Variants in DNAH14 observed in about 807,000 individuals in gnomAD.
DNAH14 encodes axonemal beta dynein heavy chain 14.
A neutral mutation model predicts 520.9 loss-of-function variants in DNAH14; 478 were observed. The observed-to-expected ratio is 0.92, with a 90% CI of 0.85 to 0.99. The LOEUF (loss-of-function observed/expected upper bound fraction) is 0.99, where lower values mean the gene tolerates loss of function less well. Ranked by LOEUF, DNAH14 falls within the 50% of genes least tolerant of loss-of-function variation. The pLI is 0.00. For missense variants in DNAH14, 4,831 were observed against 5,234.5 expected (o/e 0.92, Z 2.38); for synonymous variants, 1,581 against 1,757.2 (o/e 0.90, Z 2.51).
At chr1:225,144,661 TTTTC>T in intron 29 of DNAH14, 33 bp downstream of exon 29, 1 of 1,499,292 alleles carries the variant, frequency 6.7e-7, no homozygotes, top group Non-Finnish European at 9.0e-7. Context: ...ATAAAAACTT[TTTTC>T]TTTTTCTGTC....
chr1:225,054,417 C>T (rs182557216), intron 17 of DNAH14, among the ~76,000 whole-genome samples: 7 of 152,096 alleles, frequency 4.6e-5, no homozygotes, highest in South Asian at 4.2e-4. Flanking sequence ...TCCAAATGTC[C>T]GTTCTTCATT....
At chr1:225,319,982 C>A (rs946008201) in intron 61 of DNAH14, among the ~76,000 whole-genome samples, 2 of 152,210 alleles carry the variant, frequency 1.3e-5, no homozygotes, top group African/African-American at 4.8e-5. Flanking sequence ...AGAGAAGTAA[C>A]AGGGGCCAGT....
intron 52 of DNAH14, among the ~76,000 whole-genome samples, chr1:225,274,056 G>A (rs2093389014): frequency 1.3e-5 from 2 of 152,234 alleles, no homozygotes; most frequent in South Asian, 2.1e-4. Context: ...CCACTAATGG[G>A]ATTGCTGGGT....
rs11582397 is a variant in DNAH14, at chr1:225,032,741, C to G, written c.1359-5953C>G. ...CTTTTCTCCGCAACCTCACCAGCAT[C>G]CGTTATTTTTTAACTTTTTAATAAT... On this transcript the variant is annotated intron_variant, in intron 11 of 85. Transcript: ENST00000682510. Among the ~76,000 whole-genome samples the G allele has an allele frequency of 2.0e-5, 3 of 152,242 alleles. No homozygotes were observed. In the East Asian group the frequency reaches 5.8e-4, roughly 29 times the overall value.
At position 225,079,518 on chromosome 1, in the gene DNAH14, A is replaced by G. The variant is rs1490270863; in HGVS notation, c.2736A>G (p.Leu912=). 2.6e-6 allele frequency: 4 copies of G among 1,519,366 alleles called. No homozygotes were observed. The African/African-American group carries it at 5.7e-5, about 22-fold the overall frequency. The allele number at this position is 1,519,366 out of a possible 1,614,324, so 94.1% of individuals were successfully genotyped here. A position where few individuals can be genotyped will look rare whatever the true frequency, so the allele number is the denominator to read the frequency against. The change falls in exon 18 of 86, where the codon CTA becomes CTG. Residue 912 remains leucine, a synonymous_variant. Coordinates refer to ENST00000682510, the MANE Select transcript of DNAH14 (RefSeq NM_001367479.1). ...ACTTGGAAGCATGTATCAGTGGTCT[A>G]CATGTTGATGTTGGCAATTTAAAAG... ...RDNLEACISG[L]HVDVGNLKAK...
At position 225,319,235 on chromosome 1, in the gene DNAH14, G is replaced by A. The variant is rs75294465; in HGVS notation, c.9335+558G>A. Among the ~76,000 whole-genome samples the A allele has an allele frequency of 5.5e-3, 834 of 152,228 alleles. 6 individuals are homozygous for A. Among genetic ancestry groups the A allele is most frequent in the African/African-American group, 0.018 (742 of 41,528 alleles). On this transcript the variant is annotated intron_variant, in intron 61 of 85. Transcript: ENST00000682510. Reference sequence around the variant, plus strand: ...CAAACTTGATCCAGGTTAGGGCTAGGGGTTAATGATTGAAGAGAATACATA... The same window carrying A: ...CAAACTTGATCCAGGTTAGGGCTAGAGGTTAATGATTGAAGAGAATACATA...
chr1:225,100,491 T>C (rs148300520), intron 22 of DNAH14, among the ~76,000 whole-genome samples: 336 of 152,308 alleles, frequency 2.2e-3, no homozygotes, highest in African/African-American at 7.6e-3. Context: ...CTAAGTATAA[T>C]CTTGTTAAAT....
intron 36 of DNAH14, among the ~76,000 whole-genome samples, chr1:225,182,257 A>G (rs12026504): frequency 0.13 from 19,816 of 152,234 alleles, 1,649 homozygotes; most frequent in South Asian, 0.23. Context: ...TGGACACCTC[A>G]TATATGATAG....
intron 5 of DNAH14, 98 bp downstream of exon 5, chr1:224,964,707 A>G (rs1236242023): frequency 3.9e-6 from 4 of 1,032,850 alleles, no homozygotes; most frequent in Admixed American, 6.3e-5. Flanking sequence ...AAAGTCAAAC[A>G]TTACATTAAT....
At chr1:224,979,823 A>G (rs2062133457) in intron 8 of DNAH14, among the ~76,000 whole-genome samples, 1 of 152,192 alleles carries the variant, frequency 6.6e-6, no homozygotes, top group African/African-American at 2.4e-5. Flanking sequence ...AGGAGAGGGT[A>G]CCAGGCAGAG....
chr1:225,037,886 T>C (rs1274543355), intron 11 of DNAH14, among the ~76,000 whole-genome samples: 2 of 152,116 alleles, frequency 1.3e-5, no homozygotes, highest in Non-Finnish European at 1.5e-5. Context: ...TTCTCCATGT[T>C]GGTCAGGCTG....
At chr1:225,250,877 G>T (rs1427265689) in intron 43 of DNAH14, among the ~76,000 whole-genome samples, 2 of 152,186 alleles carry the variant, frequency 1.3e-5, no homozygotes, top group Non-Finnish European at 2.9e-5. Context: ...TTGCCAGGGA[G>T]TGTGAGAGCT....
intron 65 of DNAH14, among the ~76,000 whole-genome samples, chr1:225,332,444 G>T (rs994719385): frequency 2.0e-5 from 3 of 151,980 alleles, no homozygotes; most frequent in South Asian, 4.1e-4. Context: ...GACCAATCAA[G>T]CACATACGTG....
At chr1:225,133,002 G>T (rs906268500) in intron 27 of DNAH14, among the ~76,000 whole-genome samples, 3 of 151,906 alleles carry the variant, frequency 2.0e-5, no homozygotes, top group Non-Finnish European at 4.4e-5. Context: ...TCAAATGTTT[G>T]TTGGGCGCAT....
intron 36 of DNAH14, among the ~76,000 whole-genome samples, chr1:225,178,772 G>A (rs1489159208): frequency 2.0e-5 from 3 of 152,084 alleles, no homozygotes; most frequent in Non-Finnish European, 4.4e-5. Flanking sequence ...ATGAGATTTG[G>A]GAGGGACCAG....
chr1:225,299,703 G>A (rs1453089839), intron 55 of DNAH14, among the ~76,000 whole-genome samples: 4 of 152,164 alleles, frequency 2.6e-5, no homozygotes, highest in East Asian at 1.9e-4. Flanking sequence ...TCAGGACTTC[G>A]AGATCATTGG....
At chr1:225,228,220 A>G (rs1462325724) in intron 41 of DNAH14, among the ~76,000 whole-genome samples, 2 of 152,208 alleles carry the variant, frequency 1.3e-5, no homozygotes, top group Non-Finnish European at 2.9e-5. Context: ...ACAAATAGCT[A>G]CCTTTATAGA....
At chr1:225,307,598 G>A in intron 59 of DNAH14, 29 bp downstream of exon 59, 1 of 1,490,400 alleles carries the variant, frequency 6.7e-7, no homozygotes, top group Non-Finnish European at 9.0e-7. Context: ...CTCTTTTAAA[G>A]ATTTTATAGT....
intron 22 of DNAH14, among the ~76,000 whole-genome samples, chr1:225,100,089 C>CT (rs1458019139): frequency 6.6e-6 from 1 of 152,116 alleles, no homozygotes; most frequent in Non-Finnish European, 1.5e-5. Context: ...ATATTAATGG[C>CT]TTATCACATC....
Sources: gnomAD v4.1 joint callset for allele counts (sites outside exome capture counted in the v4.1 genomes callset) on GRCh38, gnomAD v4.1.1 for gene constraint, MANE v1.5 for transcripts, NCBI Gene and HGNC (gene_info 2026-07-23, HGNC 2026-07-21) for gene names.